MAS1: variants seen among roughly 807,000 people sequenced by gnomAD.
The protein encoded by MAS1 is MAS1 proto-oncogene, G protein-coupled receptor, also known as proto-oncogene Mas.
For missense variants in MAS1, 387 were observed against 409.7 expected, an observed-to-expected ratio of 0.94 and a Z score of 0.48; for synonymous variants, 163 against 164.2, an observed-to-expected ratio of 0.99 and a Z score of 0.05.
In MAS1 at chr6:159,914,926, G is replaced by T. The variant is rs1343647588; in HGVS notation, c.*6993G>T. ...AGTGACACTATGCCAGCTGGGAGTGGTGGCACAGTCCGAATTGATTGTTTC... is the reference window on the plus strand; with the variant it reads ...AGTGACACTATGCCAGCTGGGAGTGTTGGCACAGTCCGAATTGATTGTTTC... On this transcript the variant is annotated 3_prime_UTR_variant, in exon 3 of 3. Coordinates refer to ENST00000674077, the MANE Select transcript of MAS1 (RefSeq NM_002377.4). 6.6e-6 allele frequency: 1 copy of T among 152,246 alleles called. No homozygotes were observed. The highest frequency in any genetic ancestry group is 1.5e-5 in the Non-Finnish European group (1 of 68,058). The allele number at this position is 152,246 out of a possible 1,614,324, so 9.4% of individuals were successfully genotyped here. A position where few individuals can be genotyped will look rare whatever the true frequency, so the allele number is the denominator to read the frequency against.
intron 1 of MAS1, among the ~76,000 whole-genome samples, chr6:159,894,398 G>A (rs1221525271): frequency 6.4e-5 from 9 of 141,306 alleles, no homozygotes; most frequent in East Asian, 4.1e-4. Flanking sequence ...CAGCCTGGGC[G>A]ACAGAGTGAG....
At chr6:159,896,917 C>A (rs768086272) in intron 1 of MAS1, among the ~76,000 whole-genome samples, 1 of 151,922 alleles carries the variant, frequency 6.6e-6, no homozygotes, top group South Asian at 2.1e-4. Context: ...TCTGTCACCC[C>A]GGCTGGAGTG....
intron 2 of MAS1, among the ~76,000 whole-genome samples, chr6:159,904,750 C>T (rs568486504): frequency 9.2e-5 from 14 of 152,302 alleles, no homozygotes; most frequent in African/African-American, 3.4e-4. Context: ...AGCACCAGCC[C>T]ACAAAGCCCG....
At chr6:159,892,127 T>C (rs1782706332) in intron 1 of MAS1, among the ~76,000 whole-genome samples, 1 of 152,180 alleles carries the variant, frequency 6.6e-6, no homozygotes, top group African/African-American at 2.4e-5. Flanking sequence ...GAGCAAGAAG[T>C]CTCTGCTTCT....
rs922561117 is a variant in MAS1, at chr6:159,910,132, T to G, written c.*2199T>G. On this transcript the variant is annotated 3_prime_UTR_variant, in exon 3 of 3. Transcript: ENST00000674077. ...GCCTAAGTCATTGTAGGTTACTAGG[T>G]GCCACTTCCGAGAATTCCTTGGGGA... The G allele has an allele frequency of 6.6e-6, 1 of 152,230 alleles. No individual in the cohort carries two copies. Among genetic ancestry groups the G allele is most frequent in the East Asian group, 1.9e-4 (1 of 5,208 alleles). 9.4% of individuals were successfully genotyped at this position (152,230 alleles called of 1,614,324 possible).
At chr6:159,898,650 C>CTCCTCCCTCTTCCTCCTCCTCCCTCT (rs1562309986) in intron 1 of MAS1, among the ~76,000 whole-genome samples, 4 of 143,998 alleles carry the variant, frequency 2.8e-5, no homozygotes, top group African/African-American at 7.7e-5. Flanking sequence ...CTCCCTCTTC[C>CTCCTCCCTCTTCCTCCTCCTCCCTCT]TCCTCCTCCC....
At chr6:159,893,929 A>G (rs2115106954) in intron 1 of MAS1, among the ~76,000 whole-genome samples, 1 of 152,102 alleles carries the variant, frequency 6.6e-6, no homozygotes, top group East Asian at 1.9e-4. Flanking sequence ...TAAAGTGTCC[A>G]GTTTTTTGTG....
At chr6:159,896,926 T>A (rs1164068311) in intron 1 of MAS1, among the ~76,000 whole-genome samples, 3 of 152,066 alleles carry the variant, frequency 2.0e-5, no homozygotes, top group Non-Finnish European at 2.9e-5. Flanking sequence ...CCGGCTGGAG[T>A]GCAGTGGCTC....
intron 1 of MAS1, among the ~76,000 whole-genome samples, chr6:159,898,508 C>CTCCTCCTCCTCCTTCT (rs1782779766): frequency 6.9e-6 from 1 of 144,218 alleles, no homozygotes; most frequent in Non-Finnish European, 1.5e-5. Flanking sequence ...CCTCCTCCTC[C>CTCCTCCTCCTCCTTCT]TCCTCCTCCT....
At position 159,907,496 on chromosome 6, in the gene MAS1, C is replaced by T. The variant is rs375222120; in HGVS notation, c.541C>T (p.Arg181Trp). The T allele has an allele frequency of 5.6e-5, 90 of 1,613,852 alleles. No homozygotes were observed. The highest frequency in any genetic ancestry group is 1.6e-4 in the Middle Eastern group (1 of 6,084). Residue 181 changes from arginine (R) to tryptophan (W), a missense_variant, in exon 3 of 3, where the codon CGG becomes TGG. By Grantham distance (101) the Arg-to-Trp change is moderately radical (BLOSUM62 -3). Coordinates refer to ENST00000674077, the MANE Select transcript of MAS1 (RefSeq NM_002377.4). ...CGACAGAGAAGAAGAGAGTCACTCT[C>T]GGAATGACTGCCGAGCAGTCATCAT... The part of the protein sequence containing the change: ...CIDREEESHS[R>W]NDCRAVIIFI...
intron 2 of MAS1, chr6:159,906,641 G>A (rs943800080): frequency 8.5e-6 from 2 of 236,022 alleles, no homozygotes; most frequent in Admixed American, 5.0e-5. Context: ...CTCCTTTTTG[G>A]CACTAAGCCA....
intron 1 of MAS1, among the ~76,000 whole-genome samples, chr6:159,892,441 C>T (rs974153152): frequency 1.3e-5 from 2 of 152,110 alleles, no homozygotes; most frequent in Non-Finnish European, 2.9e-5. Flanking sequence ...TCTCTCTTTC[C>T]TTTTTTCTCC....
chr6:159,894,418 CAAAAAA>C (rs5881344), intron 1 of MAS1, among the ~76,000 whole-genome samples: 2 of 79,134 alleles, frequency 2.5e-5, no homozygotes, highest in African/African-American at 4.8e-5. Flanking sequence ...GACCCTGTCT[CAAAAAA>C]AAAAAAAAAA....
chr6:159,906,263 C>T (rs1782885917), intron 2 of MAS1, among the ~76,000 whole-genome samples: 1 of 152,182 alleles, frequency 6.6e-6, no homozygotes. Context: ...CCAGTCCACA[C>T]ATCAATGGCT....
rs1343322365 is a variant in MAS1 at position 159,912,969 on chromosome 6, A to G, written c.*5036A>G. On this transcript the variant is annotated 3_prime_UTR_variant, in exon 3 of 3. Transcript: ENST00000674077. Reference sequence around the variant, plus strand: ...CCAAAAAGAAGCGTTTTAATATCAAATGTTGAAGAGAGGCTCTTGGGAAAA... The same window carrying G: ...CCAAAAAGAAGCGTTTTAATATCAAGTGTTGAAGAGAGGCTCTTGGGAAAA... 6.6e-6 allele frequency: 1 copy of G among 152,226 alleles called. No homozygotes were observed. Among genetic ancestry groups the G allele is most frequent in the East Asian group, 1.9e-4 (1 of 5,200 alleles). The allele number at this position is 152,226 out of a possible 1,614,324, so 9.4% of individuals were successfully genotyped here. A position where few individuals can be genotyped will look rare whatever the true frequency, so the allele number is the denominator to read the frequency against.
At chr6:159,906,782 C>T in intron 2 of MAS1, 138 bp from the exon 3 acceptor site, 2 of 653,470 alleles carry the variant, frequency 3.1e-6, no homozygotes, top group Non-Finnish European at 5.1e-6. Flanking sequence ...ATCATTGTGA[C>T]AAAGATAACT....
chr6:159,908,560 A>T lies in MAS1; in HGVS notation c.*627A>T, dbSNP rs1782927874. 1 of 150,800 alleles carries T rather than the reference A, an allele frequency of 6.6e-6. No individual in the cohort carries two copies. Among genetic ancestry groups the T allele is most frequent in the African/African-American group, 2.5e-5 (1 of 40,656 alleles). The allele number at this position is 150,800 out of a possible 1,614,324, so 9.3% of individuals were successfully genotyped here. ...ACACACACACAGCTCTATCATGTACAGAAGTTATTATGTGTTTTTACATGT... is the reference window on the plus strand; with the variant it reads ...ACACACACACAGCTCTATCATGTACTGAAGTTATTATGTGTTTTTACATGT... On this transcript the variant is annotated 3_prime_UTR_variant, in exon 3 of 3. Transcript: ENST00000674077.
chr6:159,898,011 G>A (rs940584567), intron 1 of MAS1, among the ~76,000 whole-genome samples: 1 of 151,850 alleles, frequency 6.6e-6, no homozygotes, highest in Non-Finnish European at 1.5e-5. Flanking sequence ...TCCTGCCTCT[G>A]CTTCCGAGTA....
intron 2 of MAS1, among the ~76,000 whole-genome samples, chr6:159,903,269 T>C (rs1309617228): frequency 1.3e-5 from 2 of 152,090 alleles, no homozygotes; most frequent in Non-Finnish European, 2.9e-5. Context: ...TTCCCTTCTA[T>C]GTGCTTTGCT....
Sources: gnomAD v4.1 joint callset for allele counts (sites outside exome capture counted in the v4.1 genomes callset) on GRCh38, gnomAD v4.1.1 for gene constraint, MANE v1.5 for transcripts, NCBI Gene and HGNC (gene_info 2026-07-23, HGNC 2026-07-21) for gene names.